The following MITF variants were observed in gnomAD, a reference collection of about 807,000 sequenced individuals.
MITF encodes microphthalmia-associated transcription factor.
Under a neutral mutation model 60.5 loss-of-function variants are expected in MITF, and 17 were observed. The ratio of observed to expected loss-of-function variants is 0.28; its 90% CI spans 0.19 to 0.42. MITF has a LOEUF of 0.42. Among genes scored for constraint, MITF ranks in the 10% least tolerant of loss-of-function variants. MITF has a pLI of 1.00. For synonymous variants in MITF, 260 were observed against 248.5 expected (o/e 1.05, Z -0.43); for missense variants, 622 against 683.5 (o/e 0.91, Z 1.00).
chr3:69,888,823 C>A lies in MITF; in HGVS notation c.354+9440C>A, dbSNP rs574601969. Among the ~76,000 whole-genome samples the A allele has an allele frequency of 1.2e-4, 18 of 151,900 alleles. No individual in the cohort carries two copies. In the South Asian group the frequency reaches 2.7e-3, roughly 23 times the overall value. On this transcript the variant is annotated intron_variant, in intron 2 of 9. Coordinates refer to ENST00000352241, the MANE Select transcript of MITF (RefSeq NM_001354604.2). ...TTAACTTTGTTGCCTTTCCTTTTGC[C>A]CCATTCAGCATTTTACTGGGCTTTC...
intron 2 of MITF, among the ~76,000 whole-genome samples, chr3:69,889,025 GTTTTTTTTTTTTT>G (rs4057977): frequency 1.7e-5 from 1 of 58,806 alleles, no homozygotes; most frequent in East Asian, 6.1e-4. Flanking sequence ...ATAGCCTTTG[GTTTTTTTTTTTTT>G]TTTTTTTTTT....
At position 69,968,145 on chromosome 3, in the gene MITF, T is replaced by C. The variant is rs1223951908; in HGVS notation, c.*2897T>C. The stretch of plus-strand genomic sequence containing the variant: ...AGTATAAAACAGCCCTATTTCTTGA[T>C]AAAAAATGACAAATGACTGTCTCTT... On this transcript the variant is annotated 3_prime_UTR_variant, in exon 10 of 10. Transcript: ENST00000352241. The C allele has an allele frequency of 1.3e-5, 3 of 233,156 alleles. No individual in the cohort carries two copies. The highest frequency in any genetic ancestry group is 6.6e-5 in the African/African-American group (3 of 45,342). The allele number at this position is 233,156 out of a possible 1,614,324, so 14.4% of individuals were successfully genotyped here.
chr3:69,870,440 A>ATATATT (rs1435617160), intron 1 of MITF, among the ~76,000 whole-genome samples: 5 of 135,260 alleles, frequency 3.7e-5, no homozygotes, highest in African/African-American at 1.4e-4. Flanking sequence ...ATATATATAT[A>ATATATT]TTTTTTTTTT....
At chr3:69,787,638 G>T (rs964455712) in intron 1 of MITF, among the ~76,000 whole-genome samples, 1 of 152,274 alleles carries the variant, frequency 6.6e-6, no homozygotes, top group Admixed American at 6.5e-5. Context: ...GGATGAGTCA[G>T]TGTGAGGTTT....
At chr3:69,822,847 C>T (rs549014597) in intron 1 of MITF, among the ~76,000 whole-genome samples, 5 of 151,880 alleles carry the variant, frequency 3.3e-5, no homozygotes, top group African/African-American at 1.2e-4. Context: ...ATTACTCAAC[C>T]CCGTCTTATT....
At position 69,873,722 on chromosome 3, in the gene MITF, A is replaced by G. The variant is rs1316876475; in HGVS notation, c.105-5412A>G. 2.0e-5 allele frequency among the ~76,000 whole-genome samples: 3 copies of G among 152,210 alleles called. 1 individual carries two copies. In the East Asian group the frequency reaches 5.8e-4, roughly 29 times the overall value. ...GCGAATTTTCTCAGACATGGAAGAA[A>G]GTATTCTGGTCTAAGAATTAGAGGT... On this transcript the variant is annotated intron_variant, in intron 1 of 9. Transcript: ENST00000352241.
intron 1 of MITF, among the ~76,000 whole-genome samples, chr3:69,870,690 A>G (rs1361772948): frequency 6.6e-6 from 1 of 151,870 alleles, no homozygotes; most frequent in Non-Finnish European, 1.5e-5. Flanking sequence ...ACCTGGATAT[A>G]TATATTTTTA....
chr3:69,923,918 T>G (rs1206853633), intron 2 of MITF, among the ~76,000 whole-genome samples: 1 of 152,198 alleles, frequency 6.6e-6, no homozygotes, highest in African/African-American at 2.4e-5. Context: ...TTGTTTGTTT[T>G]TTTTTGGCAA....
intron 1 of MITF, among the ~76,000 whole-genome samples, chr3:69,866,674 C>G (rs1575842868): frequency 6.6e-6 from 1 of 152,024 alleles, no homozygotes; most frequent in East Asian, 1.9e-4. Flanking sequence ...TGAGTTAGAG[C>G]AGAGCTTGAT....
intron 2 of MITF, among the ~76,000 whole-genome samples, chr3:69,901,337 G>A (rs549228520): frequency 1.6e-4 from 24 of 152,024 alleles, no homozygotes; most frequent in African/African-American, 5.5e-4. Flanking sequence ...TAATGCAAGT[G>A]TTTTGGCTTT....
intron 1 of MITF, among the ~76,000 whole-genome samples, chr3:69,862,298 G>T (rs189682861): frequency 1.3e-5 from 2 of 152,216 alleles, no homozygotes; most frequent in East Asian, 3.9e-4. Flanking sequence ...GACAGGTTGG[G>T]GAACCATTGG....
intron 1 of MITF, among the ~76,000 whole-genome samples, chr3:69,860,593 G>A (rs1324617331): frequency 2.9e-5 from 3 of 102,736 alleles, no homozygotes; most frequent in East Asian, 2.8e-4. Flanking sequence ...ACGAGACTCC[G>A]TCTCAAAAAA....
chr3:69,927,889 A>G (rs1253001335), intron 2 of MITF, among the ~76,000 whole-genome samples: 1 of 152,258 alleles, frequency 6.6e-6, no homozygotes, highest in East Asian at 1.9e-4. Context: ...CCTTATAATT[A>G]ATTGAATCCA....
chr3:69,822,335 C>T (rs2063288867), intron 1 of MITF, among the ~76,000 whole-genome samples: 1 of 152,186 alleles, frequency 6.6e-6, no homozygotes, highest in African/African-American at 2.4e-5. Flanking sequence ...AGCTTGCTGG[C>T]CCCTGGTTTA....
chr3:69,848,957 CTTTTTTTTTTTTTT>C (rs55969316), intron 1 of MITF, among the ~76,000 whole-genome samples: 5 of 73,306 alleles, frequency 6.8e-5, no homozygotes, highest in African/African-American at 2.5e-4. Context: ...AAAGATTCTT[CTTTTTTTTTTTTTT>C]TTTTTTTTTT....
At chr3:69,850,634 C>T (rs1400201175) in intron 1 of MITF, among the ~76,000 whole-genome samples, 2 of 152,066 alleles carry the variant, frequency 1.3e-5, no homozygotes, top group Non-Finnish European at 1.5e-5. Flanking sequence ...GACTTAGAAC[C>T]GATGTGCTGT....
chr3:69,902,670 G>T (rs2065018624), intron 2 of MITF, among the ~76,000 whole-genome samples: 1 of 152,162 alleles, frequency 6.6e-6, no homozygotes, highest in African/African-American at 2.4e-5. Context: ...TTCATCTTCA[G>T]ACAAAAAATA....
rs183461322 is a variant in MITF at position 69,788,016 on chromosome 3, A to G, written c.104+48315A>G. Reference sequence around the variant, plus strand: ...CATTATCTCTGTTTTGAAGATGAGAAAACTGAGGTTAAATAAGGTTCACAA... The same window carrying G: ...CATTATCTCTGTTTTGAAGATGAGAGAACTGAGGTTAAATAAGGTTCACAA... On this transcript the variant is annotated intron_variant, in intron 1 of 9. Transcript: ENST00000352241. Among the ~76,000 whole-genome samples the G allele has an allele frequency of 3.6e-3, 548 of 152,246 alleles. 11 individuals carry two copies. Among genetic ancestry groups the G allele is most frequent in the Non-Finnish European group, 1.0e-3 (69 of 68,010 alleles).
chr3:69,798,054 T>G (rs2062859059), intron 1 of MITF, among the ~76,000 whole-genome samples: 1 of 152,218 alleles, frequency 6.6e-6, no homozygotes, highest in South Asian at 2.1e-4. Context: ...TGAATCCCAG[T>G]ACTGTGACTC....
Sources: allele counts gnomAD v4.1 joint callset (sites outside exome capture counted in the v4.1 genomes callset), GRCh38; gene constraint gnomAD v4.1.1; transcripts MANE v1.5; gene names NCBI Gene and HGNC (gene_info 2026-07-23, HGNC 2026-07-21).